The following SERBP1 variants were observed in gnomAD, a reference collection of about 807,000 sequenced individuals.
SERBP1 encodes the protein SERPINE1 mRNA-binding protein 1.
Under a neutral mutation model 50.2 loss-of-function variants are expected in SERBP1, and 6 were observed. That is an observed-to-expected ratio of 0.12 (90% CI 0.07 to 0.24). The LOEUF (loss-of-function observed/expected upper bound fraction) is 0.24. SERBP1 is among the 10% of genes least tolerant of loss of function. The pLI, the probability that SERBP1 is intolerant of heterozygous loss-of-function variation, is 1.00. For synonymous variants in SERBP1, 168 were observed against 182.8 expected (o/e 0.92, Z 0.65); for missense variants, 346 against 524.9 (o/e 0.66, Z 3.33).
intron 1 of SERBP1, among the ~76,000 whole-genome samples, chr1:67,428,091 C>G (rs1667447753): frequency 6.6e-6 from 1 of 152,200 alleles, no homozygotes; most frequent in South Asian, 2.1e-4. Context: ...GATTTATTCC[C>G]AGTAATCAGG....
At chr1:67,425,264 G>A (rs754305137) in intron 2 of SERBP1, 41 bp from the exon 3 acceptor site, 6 of 1,528,232 alleles carry the variant, frequency 3.9e-6, no homozygotes, top group Non-Finnish European at 5.3e-6. Flanking sequence ...ATGGTTTCCA[G>A]AAGAAATGAG....
chr1:67,415,083 CA>C, intron 7 of SERBP1, 82 bp downstream of exon 7: 1 of 1,404,010 alleles, frequency 7.1e-7, no homozygotes, highest in Non-Finnish European at 9.5e-7. Flanking sequence ...CTTATGTTCC[CA>C]AAAGTGACAT....
intron 2 of SERBP1, 61 bp downstream of exon 2, chr1:67,426,074 C>T: frequency 1.4e-6 from 2 of 1,422,222 alleles, no homozygotes; most frequent in Non-Finnish European, 1.9e-6. Flanking sequence ...AAGCTTGTAC[C>T]ACTGCACTCC....
At chr1:67,416,914 G>A (rs1201190445) in intron 6 of SERBP1, among the ~76,000 whole-genome samples, 1 of 152,152 alleles carries the variant, frequency 6.6e-6, no homozygotes, top group Non-Finnish European at 1.5e-5. Flanking sequence ...TCAATTTATT[G>A]CAAACCACAG....
chr1:67,416,725 T>C (rs754655637), intron 6 of SERBP1, among the ~76,000 whole-genome samples: 1 of 152,206 alleles, frequency 6.6e-6, no homozygotes, highest in Non-Finnish European at 1.5e-5. Context: ...CTCATACTAG[T>C]ATTAAATGTC....
rs1250095887 is a variant in SERBP1 at position 67,411,761 on chromosome 1, G to A, written c.*1446C>T. 6.6e-6 allele frequency: 1 copy of A among 152,118 alleles called. No individual in the cohort carries two copies. Among genetic ancestry groups the A allele is most frequent in the Non-Finnish European group, 1.5e-5 (1 of 68,000 alleles). 9.4% of individuals were successfully genotyped at this position (152,118 alleles called of 1,614,324 possible). On this transcript the variant is annotated 3_prime_UTR_variant, in exon 8 of 8. Coordinates refer to ENST00000361219, the MANE Select transcript of SERBP1 (RefSeq NM_001018069.2). The stretch of plus-strand genomic sequence containing the variant: ...AACTGGACATTACCATATACAGGTA[G>A]AACATTTCTAAAAATGACGTGACAA...
chr1:67,418,349 T>C lies in SERBP1; in HGVS notation c.951+1660A>G, dbSNP rs192223059. On this transcript the variant is annotated intron_variant, in intron 6 of 7. Coordinates refer to ENST00000361219, the MANE Select transcript of SERBP1 (RefSeq NM_001018069.2). ...ACAATGTCCTCATTTACTACTCATA[T>C]GAAGTAAATGTTAAAAATCATCTCT... Among the ~76,000 whole-genome samples the C allele has an allele frequency of 1.3e-3, 192 of 152,300 alleles. No homozygotes were observed. The South Asian group carries it at 0.028, about 22-fold the overall frequency.
intron 2 of SERBP1, among the ~76,000 whole-genome samples, chr1:67,425,756 T>C (rs1239899415): frequency 6.6e-6 from 1 of 152,174 alleles, no homozygotes; most frequent in Non-Finnish European, 1.5e-5. Context: ...CTGTGAAAAA[T>C]TAATAGAAAC....
chr1:67,426,802 T>C (rs1455556460), intron 1 of SERBP1, among the ~76,000 whole-genome samples: 1 of 151,946 alleles, frequency 6.6e-6, no homozygotes, highest in African/African-American at 2.4e-5. Context: ...TATGTTATTC[T>C]ATCTAATCTG....
chr1:67,421,629 CA>C (rs1334438084), intron 5 of SERBP1, among the ~76,000 whole-genome samples: 2 of 152,202 alleles, frequency 1.3e-5, no homozygotes, highest in Non-Finnish European at 2.9e-5. Context: ...ATAATCTTTG[CA>C]TATCACTGAG....
intron 4 of SERBP1, 154 bp from the exon 5 acceptor site, chr1:67,424,431 T>A: frequency 2.1e-6 from 2 of 939,702 alleles, no homozygotes; most frequent in Non-Finnish European, 3.1e-6. Context: ...CCTTTCTTAC[T>A]AAATATACTC....
rs1312888264 is a variant in SERBP1 at position 67,426,274 on chromosome 1, C to T, written c.325G>A (p.Val109Ile). The T allele has an allele frequency of 2.5e-6, 4 of 1,592,038 alleles. No individual in the cohort carries two copies. Among genetic ancestry groups the T allele is most frequent in the Non-Finnish European group, 3.4e-6 (4 of 1,171,658 alleles). The change falls in exon 2 of 8, where the codon GTT (valine) becomes ATT (isoleucine). Residue 109 changes from valine (V) to isoleucine (I), a missense_variant. Coordinates refer to ENST00000361219, the MANE Select transcript of SERBP1 (RefSeq NM_001018069.2). ...AGTTGTTGATCAGGTCTTCTTCCAA[C>T]TCGTCTTATTCCTAAAACGATAAGA... ...VALKKEGIRR[V>I]GRRPDQQLQG... is the part of the protein sequence containing the mutation.
At chr1:67,413,326 G>C in intron 7 of SERBP1, 63 bp from the exon 8 acceptor site, 2 of 1,388,928 alleles carry the variant, frequency 1.4e-6, no homozygotes, top group South Asian at 1.4e-5. Flanking sequence ...TTGTTAGCTA[G>C]TGTCTACATT....
In SERBP1 at chr1:67,410,506, TAA is replaced by T. The variant is rs1256673950; in HGVS notation, c.*2699_*2700del. 6.6e-6 allele frequency: 1 copy of T among 152,180 alleles called. No homozygotes were observed. Among genetic ancestry groups the T allele is most frequent in the Admixed American group, 6.5e-5 (1 of 15,286 alleles). 9.4% of individuals were successfully genotyped at this position (152,180 alleles called of 1,614,324 possible). ...ACTAGATGTATATGGTGCCAATTTTTAAAAGTCTTGCTTAACTCCACAGGTCT... is the reference window on the plus strand; with the variant it reads ...ACTAGATGTATATGGTGCCAATTTTTAAGTCTTGCTTAACTCCACAGGTCT... On this transcript the variant is annotated 3_prime_UTR_variant, in exon 8 of 8. Coordinates refer to ENST00000361219, the MANE Select transcript of SERBP1 (RefSeq NM_001018069.2).
At chr1:67,421,624 C>CT (rs1667200165) in intron 5 of SERBP1, among the ~76,000 whole-genome samples, 4 of 152,308 alleles carry the variant, frequency 2.6e-5, no homozygotes, top group Admixed American at 2.6e-4. Flanking sequence ...CAGTTATAAT[C>CT]TTTGCATATC....
Position 67,413,093 on chromosome 1 carries a change from T to A in SERBP1, c.*114A>T. On this transcript the variant is annotated 3_prime_UTR_variant, in exon 8 of 8. Transcript: ENST00000361219. The stretch of plus-strand genomic sequence containing the variant: ...AAATTCAGTCTTTAGGTGTGAATGG[T>A]ATGAATGACAGTCTTTTTTTTTTTA... The A allele has an allele frequency of 2.3e-6, 3 of 1,326,158 alleles. No homozygotes were observed. The highest frequency in any genetic ancestry group is 3.4e-5 in the Admixed American group (1 of 29,304). 82.1% of individuals were successfully genotyped at this position (1,326,158 alleles called of 1,614,324 possible).
chr1:67,408,592 A>C lies in SERBP1; in HGVS notation c.*4615T>G, dbSNP rs574222249. 1 of 148,838 alleles carries C rather than the reference A, an allele frequency of 6.7e-6. No homozygotes were observed. The highest frequency in any genetic ancestry group is 2.1e-4 in the South Asian group (1 of 4,694). The allele number at this position is 148,838 out of a possible 1,614,324, so 9.2% of individuals were successfully genotyped here. A position where few individuals can be genotyped will look rare whatever the true frequency, so the allele number is the denominator to read the frequency against. On this transcript the variant is annotated 3_prime_UTR_variant, in exon 8 of 8. Transcript: ENST00000361219. Reference sequence around the variant, plus strand: ...CTCAAAAAAAAAAAAAAAAAGATGCAATCTCCAGGAGCCATTAATTTCTGC... The same window carrying C: ...CTCAAAAAAAAAAAAAAAAAGATGCCATCTCCAGGAGCCATTAATTTCTGC...
chr1:67,414,503 T>C (rs1266455243), intron 7 of SERBP1, among the ~76,000 whole-genome samples: 1 of 152,158 alleles, frequency 6.6e-6, no homozygotes, highest in Non-Finnish European at 1.5e-5. Context: ...GTTGAGAATT[T>C]AGGAGGACAT....
intron 6 of SERBP1, among the ~76,000 whole-genome samples, chr1:67,415,631 A>T (rs1247653842): frequency 6.6e-6 from 1 of 152,186 alleles, no homozygotes; most frequent in African/African-American, 2.4e-5. Flanking sequence ...TCCTAGACCT[A>T]CTGAATCATA....
Sources: allele counts gnomAD v4.1 joint callset (sites outside exome capture counted in the v4.1 genomes callset), GRCh38; gene constraint gnomAD v4.1.1; transcripts MANE v1.5; gene names NCBI Gene and HGNC (gene_info 2026-07-23, HGNC 2026-07-21).